AGBL1: variants seen among roughly 807,000 people sequenced by gnomAD.
AGBL1 encodes AGBL carboxypeptidase 1.
Under a neutral mutation model 118.9 loss-of-function variants are expected in AGBL1, and 130 were observed. The ratio of observed to expected loss-of-function variants is 1.09; its 90% CI spans 0.95 to 1.26. The LOEUF is 1.26. Among genes scored for constraint, AGBL1 ranks in the 50% most tolerant of loss-of-function variants. The pLI, the probability that AGBL1 is intolerant of heterozygous loss-of-function variation, is 0.00. For synonymous variants in AGBL1, 555 were observed against 478.9 expected (o/e 1.16, Z -2.08); for missense variants, 1,584 against 1,298.1 (o/e 1.22, Z -3.38).
intron 21 of AGBL1, among the ~76,000 whole-genome samples, chr15:86,583,056 A>G (rs2084195366): frequency 6.6e-6 from 1 of 152,050 alleles, no homozygotes; most frequent in African/African-American, 2.4e-5. Context: ...TTTTTTTTTA[A>G]AAAACACCAT....
chr15:86,403,417 A>G (rs555698167), intron 18 of AGBL1, among the ~76,000 whole-genome samples: 2 of 152,210 alleles, frequency 1.3e-5, no homozygotes, highest in African/African-American at 4.8e-5. Flanking sequence ...GTATTAAAAC[A>G]TAATAGTTGA....
rs189339249 is a variant in AGBL1, at chr15:86,090,177, C to T, written c.51+10154C>T. 2.0e-3 allele frequency among the ~76,000 whole-genome samples: 307 copies of T among 152,238 alleles called. 2 individuals are homozygous for T. Among genetic ancestry groups the T allele is most frequent in the African/African-American group, 7.0e-3 (291 of 41,538 alleles). On this transcript the variant is annotated intron_variant, in intron 1 of 22. Coordinates refer to ENST00000614907, the MANE Select transcript of AGBL1 (RefSeq NM_001386094.1). Reference sequence around the variant, plus strand: ...GTTCTTGCAGTATTTAAGTAGCAGTCGCAATTTAAACACTGGCAGTCTGAC... The same window carrying T: ...GTTCTTGCAGTATTTAAGTAGCAGTTGCAATTTAAACACTGGCAGTCTGAC...
chr15:86,528,766 C>T (rs369671912), intron 19 of AGBL1, among the ~76,000 whole-genome samples: 11,462 of 57,136 alleles, frequency 0.2, 1,396 homozygotes, highest in East Asian at 0.47. Flanking sequence ...GATCTGAGAA[C>T]GGGCAGACTA....
At chr15:86,578,187 A>G (rs1202608980) in intron 21 of AGBL1, among the ~76,000 whole-genome samples, 1 of 152,194 alleles carries the variant, frequency 6.6e-6, no homozygotes, top group Non-Finnish European at 1.5e-5. Context: ...GACCATGGAA[A>G]CGCACCTCTT....
At chr15:86,618,362 A>G (rs975264969) in intron 21 of AGBL1, among the ~76,000 whole-genome samples, 1 of 152,152 alleles carries the variant, frequency 6.6e-6, no homozygotes, top group Admixed American at 6.5e-5. Context: ...GGCTCATTAC[A>G]TTCCTGATGA....
chr15:86,616,352 A>T (rs2447269), intron 21 of AGBL1, among the ~76,000 whole-genome samples: 1,549 of 24,976 alleles, frequency 0.062, 33 homozygotes, highest in Middle Eastern at 0.19. Context: ...AAAAAAAAAA[A>T]AAAAAAAAAA....
intron 1 of AGBL1, among the ~76,000 whole-genome samples, chr15:86,087,283 A>C (rs931642943): frequency 3.3e-5 from 5 of 151,186 alleles, no homozygotes; most frequent in African/African-American, 1.2e-4. Flanking sequence ...AGCTTCTGCA[A>C]GTCAGGAGCT....
intron 21 of AGBL1, among the ~76,000 whole-genome samples, chr15:86,672,348 G>A (rs1156609709): frequency 6.6e-6 from 1 of 152,174 alleles, no homozygotes; most frequent in African/African-American, 2.4e-5. Context: ...AGCTGTTATT[G>A]TATAGAAGTT....
intron 21 of AGBL1, among the ~76,000 whole-genome samples, chr15:86,587,235 C>A (rs72757845): frequency 0.014 from 2,084 of 152,230 alleles, 12 homozygotes; most frequent in Middle Eastern, 0.041. Context: ...AATACTTTAT[C>A]TAAAATCAGA....
At chr15:86,379,444 C>A (rs1368114975) in intron 17 of AGBL1, among the ~76,000 whole-genome samples, 2 of 151,870 alleles carry the variant, frequency 1.3e-5, no homozygotes, top group African/African-American at 4.8e-5. Flanking sequence ...TATGGCCATA[C>A]CAATAATGTA....
intron 24 of AGBL1, among the ~76,000 whole-genome samples, chr15:87,024,498 T>C (rs1270186922): frequency 6.6e-6 from 1 of 151,778 alleles, no homozygotes; most frequent in African/African-American, 2.4e-5. Flanking sequence ...AAATTACCAA[T>C]GAAACAAGTT....
intron 17 of AGBL1, among the ~76,000 whole-genome samples, chr15:86,395,061 T>C (rs1322878901): frequency 6.6e-6 from 1 of 152,160 alleles, no homozygotes; most frequent in Non-Finnish European, 1.5e-5. Context: ...TATTGGTAAC[T>C]GATGACTCTG....
intron 22 of AGBL1, among the ~76,000 whole-genome samples, chr15:86,839,677 C>G (rs368408786): frequency 1.3e-5 from 2 of 152,086 alleles, no homozygotes; most frequent in African/African-American, 4.8e-5. Flanking sequence ...AATATGACAA[C>G]TAAATATTGC....
intron 24 of AGBL1, among the ~76,000 whole-genome samples, chr15:87,009,717 T>C (rs982292663): frequency 1.3e-5 from 2 of 152,186 alleles, no homozygotes; most frequent in African/African-American, 2.4e-5. Flanking sequence ...CCCAAGGCCA[T>C]GGGAGCCCAC....
chr15:86,445,415 T>G (rs1010396090), intron 18 of AGBL1, among the ~76,000 whole-genome samples: 1 of 152,250 alleles, frequency 6.6e-6, no homozygotes, highest in Non-Finnish European at 1.5e-5. Flanking sequence ...CAGTGAAGGC[T>G]TGGTCAGGGG....
intron 22 of AGBL1, among the ~76,000 whole-genome samples, chr15:86,870,369 T>C (rs909847960): frequency 1.3e-5 from 2 of 149,338 alleles, no homozygotes; most frequent in Non-Finnish European, 1.5e-5. Context: ...GCTTTTCCAT[T>C]TCCTCTTTCT....
intron 24 of AGBL1, among the ~76,000 whole-genome samples, chr15:87,004,020 T>A (rs2081470037): frequency 6.6e-6 from 1 of 152,204 alleles, no homozygotes; most frequent in Non-Finnish European, 1.5e-5. Context: ...TTTGAATGTG[T>A]TTGCTCTTGA....
intron 24 of AGBL1, among the ~76,000 whole-genome samples, chr15:86,991,829 T>C (rs986456147): frequency 6.6e-6 from 1 of 152,206 alleles, no homozygotes; most frequent in African/African-American, 2.4e-5. Flanking sequence ...ATCTCAGCTT[T>C]ACTTCTTCCA....
At position 86,170,005 on chromosome 15, in the gene AGBL1, T is replaced by C. The variant is rs185456101; in HGVS notation, c.488+10979T>C. Among the ~76,000 whole-genome samples, 3 of 152,162 alleles carry C rather than the reference T, an allele frequency of 2.0e-5. No homozygotes were observed. The East Asian group carries it at 5.8e-4, about 29-fold the overall frequency. On this transcript the variant is annotated intron_variant, in intron 5 of 22. Transcript: ENST00000614907. The stretch of plus-strand genomic sequence containing the variant: ...CAATGTGTAGAATCCAAGAAGAAAT[T>C]ATCAGGCATGCAAAGGAACAAGAAA...
Sources: allele counts gnomAD v4.1 joint callset (sites outside exome capture counted in the v4.1 genomes callset), GRCh38; gene constraint gnomAD v4.1.1; transcripts MANE v1.5; gene names NCBI Gene and HGNC (gene_info 2026-07-23, HGNC 2026-07-21).